Variants in WDPCP observed in about 807,000 individuals in gnomAD.
WDPCP encodes the protein WD repeat-containing and planar cell polarity effector protein fritz homolog.
A neutral mutation model predicts 93.1 loss-of-function variants in WDPCP; 71 were observed. The ratio of observed to expected loss-of-function variants is 0.76; its 90% confidence interval spans 0.63 to 0.93. WDPCP has a LOEUF of 0.93. WDPCP is among the 40% of genes least tolerant of loss of function. The pLI, the probability that WDPCP is intolerant of heterozygous loss-of-function variation, is 0.00. For missense variants in WDPCP, 844 were observed against 887.4 expected, an observed-to-expected ratio of 0.95 and a Z score of 0.62; for synonymous variants, 315 against 315.0, an observed-to-expected ratio of 1.00 and a Z score of 0.00.
intron 11 of WDPCP, 24 bp from the exon 12 acceptor site, chr2:63,378,533 A>C (rs781722430): frequency 6.2e-7 from 1 of 1,612,686 alleles, no homozygotes; most frequent in African/African-American, 1.3e-5. Context: ...ACATAGCAGC[A>C]CTAAAACAAG....
intron 2 of WDPCP, among the ~76,000 whole-genome samples, chr2:63,722,290 C>T (rs1200696035): frequency 2.0e-5 from 3 of 151,342 alleles, no homozygotes; most frequent in African/African-American, 7.3e-5. Context: ...TGAGGAGCAC[C>T]TCTGCCCGGC....
chr2:63,758,369 A>G (rs1281819476), intron 2 of WDPCP, among the ~76,000 whole-genome samples: 2 of 152,190 alleles, frequency 1.3e-5, no homozygotes, highest in Non-Finnish European at 2.9e-5. Context: ...ACCAAAAAAA[A>G]AATGACTGCT....
At chr2:63,123,047 GA>G (rs56122640) in intron 17 of WDPCP, among the ~76,000 whole-genome samples, 58,256 of 129,124 alleles carry the variant, frequency 0.45, 11,764 homozygotes, top group East Asian at 0.57. Flanking sequence ...ACACAAAATT[GA>G]AAAAAAAAAA....
At chr2:63,417,370 A>C (rs993534641) in intron 9 of WDPCP, among the ~76,000 whole-genome samples, 2 of 152,144 alleles carry the variant, frequency 1.3e-5, no homozygotes, top group Non-Finnish European at 1.5e-5. Context: ...TAGCTCAATA[A>C]AACACTATTG....
At chr2:63,572,078 G>A (rs746190970) in intron 1 of WDPCP, among the ~76,000 whole-genome samples, 1 of 152,116 alleles carries the variant, frequency 6.6e-6, no homozygotes, top group African/African-American at 2.4e-5. Context: ...AGATAATCAG[G>A]CTCCAGAGGA....
At chr2:63,819,774 C>G (rs1478204658) in intron 1 of WDPCP, among the ~76,000 whole-genome samples, 3 of 152,090 alleles carry the variant, frequency 2.0e-5, no homozygotes, top group Non-Finnish European at 4.4e-5. Flanking sequence ...CTCAGGCTCT[C>G]CAAGTACAAA....
intron 1 of WDPCP, among the ~76,000 whole-genome samples, chr2:63,498,981 G>A (rs546464827): frequency 1.7e-4 from 26 of 152,276 alleles, no homozygotes; most frequent in Non-Finnish European, 5.9e-5. Flanking sequence ...TGGCTCATTT[G>A]TACCTCACAG....
upstream of WDPCP, chr2:63,591,089 A>G (rs1709194162): frequency 1.3e-5 from 2 of 152,254 alleles, no homozygotes; most frequent in South Asian, 2.1e-4. Flanking sequence ...TTCAATCTTT[A>G]TAGCTGAGAA....
intron 10 of WDPCP, 26 bp from the exon 11 acceptor site, chr2:63,382,120 T>G (rs765160818): frequency 1.5e-5 from 24 of 1,602,128 alleles, no homozygotes; most frequent in Non-Finnish European, 1.9e-5. Flanking sequence ...GAAAACCAGG[T>G]GAATCTTTTA....
intron 2 of WDPCP, among the ~76,000 whole-genome samples, chr2:63,797,743 G>A (rs924268518): frequency 2.6e-5 from 4 of 151,718 alleles, no homozygotes; most frequent in African/African-American, 9.7e-5. Flanking sequence ...TAGAGAGAGA[G>A]GTAGGAATAG....
At chr2:63,581,777 C>T (rs371028241) in intron 1 of WDPCP, among the ~76,000 whole-genome samples, 2 of 152,024 alleles carry the variant, frequency 1.3e-5, no homozygotes, top group Non-Finnish European at 2.9e-5. Context: ...GAGGCTGAGA[C>T]GGGTGGATCG....
At chr2:63,189,064 C>G (rs948424080) in intron 14 of WDPCP, among the ~76,000 whole-genome samples, 70 of 152,234 alleles carry the variant, frequency 4.6e-4, no homozygotes, top group African/African-American at 1.6e-3. Flanking sequence ...TGACTGTCTT[C>G]TTTCCTGTGT....
chr2:63,224,306 A>G (rs896661004), intron 14 of WDPCP, among the ~76,000 whole-genome samples: 5 of 152,066 alleles, frequency 3.3e-5, no homozygotes, highest in African/African-American at 1.2e-4. Context: ...GCAAAATGGT[A>G]CAGTCACTTT....
At chr2:63,434,135 C>T (rs1158787589) in intron 8 of WDPCP, among the ~76,000 whole-genome samples, 199 bp from the exon 9 acceptor site, 1 of 152,096 alleles carries the variant, frequency 6.6e-6, no homozygotes, top group African/African-American at 2.4e-5. Flanking sequence ...AAAATTCTCC[C>T]CATTTTTAGC....
rs1402538022 is a variant in WDPCP at position 63,381,956 on chromosome 2, C to T, written c.1574G>A (p.Ser525Asn). The change falls in exon 11 of 18, where the codon AGC (serine) becomes AAC (asparagine). Residue 525 changes from serine (S) to asparagine (N), a missense_variant. Physicochemically the swap from Ser to Asn is conservative, Grantham distance 46. Coordinates refer to ENST00000272321, the MANE Select transcript of WDPCP (RefSeq NM_015910.7). ...TCTAAGAAGATGGTTTACAATGGCG[C>T]TCATGCTGATAAAGCACTGGTGGCC... ...TLGHQCFISM[S>N]AIVNHLLRQK... The T allele has an allele frequency of 1.2e-6, 2 of 1,613,524 alleles. No homozygotes were observed. The highest frequency in any genetic ancestry group is 1.7e-6 in the Non-Finnish European group (2 of 1,179,722).
intron 16 of WDPCP, 104 bp downstream of exon 16, chr2:63,153,391 G>C: frequency 1.2e-6 from 1 of 858,686 alleles, no homozygotes; most frequent in South Asian, 1.7e-5. Context: ...AACTAGAAAT[G>C]CTCAGAGTTT....
chr2:63,688,603 T>C (rs1399240817), intron 2 of WDPCP, among the ~76,000 whole-genome samples: 2 of 152,050 alleles, frequency 1.3e-5, no homozygotes, highest in Non-Finnish European at 1.5e-5. Flanking sequence ...AATTTAATTG[T>C]ACATTTAAAA....
At chr2:63,331,007 C>T (rs535827967) in intron 12 of WDPCP, among the ~76,000 whole-genome samples, 1 of 151,778 alleles carries the variant, frequency 6.6e-6, no homozygotes, top group South Asian at 2.1e-4. Flanking sequence ...GTAGCCAGGA[C>T]TACAGATGTG....
chr2:63,466,146 A>G (rs1699333149), intron 6 of WDPCP, among the ~76,000 whole-genome samples: 3 of 152,160 alleles, frequency 2.0e-5, no homozygotes, highest in Non-Finnish European at 4.4e-5. Context: ...GGATTCCACT[A>G]AGACCAACAG....
Sources: gnomAD v4.1 joint callset for allele counts (sites outside exome capture counted in the v4.1 genomes callset) on GRCh38, gnomAD v4.1.1 for gene constraint, MANE v1.5 for transcripts, NCBI Gene and HGNC (gene_info 2026-07-23, HGNC 2026-07-21) for gene names.